Variants in WWC1 observed in about 807,000 individuals in gnomAD.
WWC1 encodes the protein WW and C2 domain containing 1.
In WWC1, 55 loss-of-function variants were observed where a neutral mutation model predicts 138.4. That is an observed-to-expected ratio of 0.40 (90% CI 0.32 to 0.50). The LOEUF is 0.50. Ranked by LOEUF, WWC1 falls within the 20% of genes least tolerant of loss-of-function variation. The pLI is 0.72. For synonymous variants in WWC1, 524 were observed against 564.9 expected, an observed-to-expected ratio of 0.93 and a Z score of 1.03; for missense variants, 1,226 against 1,420.4, an observed-to-expected ratio of 0.86 and a Z score of 2.20.
At chr5:168,326,279 G>A (rs947988743) in intron 1 of WWC1, among the ~76,000 whole-genome samples, 5 of 143,798 alleles carry the variant, frequency 3.5e-5, no homozygotes, top group South Asian at 2.2e-4. Context: ...GTGCAATAGC[G>A]TGATCTCGGC....
At chr5:168,358,429 C>CA (rs1391478866) in intron 1 of WWC1, among the ~76,000 whole-genome samples, 2 of 152,156 alleles carry the variant, frequency 1.3e-5, no homozygotes, top group African/African-American at 2.4e-5. Flanking sequence ...CATGGAAACT[C>CA]AGTGCTGAAA....
At chr5:168,410,387 C>T (rs918813636) in intron 8 of WWC1, among the ~76,000 whole-genome samples, 1 of 152,240 alleles carries the variant, frequency 6.6e-6, no homozygotes, top group African/African-American at 2.4e-5. Flanking sequence ...TTCAGTGTCT[C>T]CTGCACAGCT....
rs1352296611 is a variant in WWC1, at chr5:168,332,142, T to C, written c.120-39282T>C. Among the ~76,000 whole-genome samples, 10 of 142,506 alleles carry C rather than the reference T, an allele frequency of 7.0e-5. 1 individual carries two copies. Among genetic ancestry groups the C allele is most frequent in the Admixed American group, 6.9e-4 (10 of 14,460 alleles). 93.5% of individuals were successfully genotyped at this position (142,506 alleles called of 152,430 possible). A position where few individuals can be genotyped will look rare whatever the true frequency, so the allele number is the denominator to read the frequency against. ...GCCCAGGTGACAGAGTGAGATTCTG[T>C]CTCAAAAAAAAAAAAAAGATAAAAA... is the stretch of plus-strand genomic sequence containing the variant. On this transcript the variant is annotated intron_variant, in intron 1 of 22. Coordinates refer to ENST00000265293, the MANE Select transcript of WWC1 (RefSeq NM_015238.3).
chr5:168,347,166 T>G (rs1053453300), intron 1 of WWC1, among the ~76,000 whole-genome samples: 1 of 152,190 alleles, frequency 6.6e-6, no homozygotes, highest in African/African-American at 2.4e-5. Flanking sequence ...ACAAGGGTCC[T>G]CCTCAGAGGC....
At position 168,471,091 on chromosome 5, in the gene WWC1, A is replaced by G. The variant is rs968320278; in HGVS notation, c.*2074A>G. ...CATGGCCTTCTCCAGGCTACTGGGA[A>G]CCCATGGGCGGTGATGGAGGGAGTG... On this transcript the variant is annotated 3_prime_UTR_variant, in exon 23 of 23. Transcript: ENST00000265293. The G allele has an allele frequency of 1.3e-5, 2 of 152,342 alleles. No homozygotes were observed. Among genetic ancestry groups the G allele is most frequent in the African/African-American group, 4.8e-5 (2 of 41,428 alleles). The allele number at this position is 152,342 out of a possible 1,614,324, so 9.4% of individuals were successfully genotyped here.
intron 3 of WWC1, among the ~76,000 whole-genome samples, chr5:168,395,877 C>G (rs1055577352): frequency 6.6e-6 from 1 of 152,226 alleles, no homozygotes; most frequent in African/African-American, 2.4e-5. Flanking sequence ...TCTCATCCCC[C>G]AAACTTCCAA....
intron 2 of WWC1, 35 bp downstream of exon 2, chr5:168,371,568 T>C: frequency 6.6e-7 from 1 of 1,506,804 alleles, no homozygotes; most frequent in Non-Finnish European, 9.2e-7. Flanking sequence ...CCCTGTGCCC[T>C]CTTCATCCCT....
intron 15 of WWC1, among the ~76,000 whole-genome samples, chr5:168,438,975 G>A (rs951303052): frequency 2.6e-5 from 4 of 152,004 alleles, no homozygotes; most frequent in African/African-American, 9.7e-5. Context: ...CCCCACCCCA[G>A]CCTCACCATC....
At chr5:168,408,692 G>A in intron 7 of WWC1, 39 bp downstream of exon 7, 2 of 1,610,050 alleles carry the variant, frequency 1.2e-6, no homozygotes, top group Non-Finnish European at 1.7e-6. Context: ...CCTTCCACAG[G>A]ATGGCAGCTG....
At chr5:168,380,000 A>C (rs1323472650) in intron 2 of WWC1, among the ~76,000 whole-genome samples, 1 of 152,242 alleles carries the variant, frequency 6.6e-6, no homozygotes, top group African/African-American at 2.4e-5. Context: ...AGAAAAATTA[A>C]TAAATTTGGT....
chr5:168,381,382 T>C (rs892267792), intron 2 of WWC1, among the ~76,000 whole-genome samples: 4 of 152,134 alleles, frequency 2.6e-5, no homozygotes, highest in Non-Finnish European at 4.4e-5. Flanking sequence ...GGCCCAGCAT[T>C]TCAACCAGCA....
At chr5:168,460,328 C>A (rs541908273) in intron 19 of WWC1, among the ~76,000 whole-genome samples, 21 of 152,314 alleles carry the variant, frequency 1.4e-4, no homozygotes, top group Admixed American at 1.3e-4. Context: ...AGTTCTGCAA[C>A]CCCTAAGCTT....
At chr5:168,402,271 G>A (rs1000034667) in intron 5 of WWC1, among the ~76,000 whole-genome samples, 6 of 152,204 alleles carry the variant, frequency 3.9e-5, no homozygotes, top group Non-Finnish European at 8.8e-5. Context: ...AGGAAGATGC[G>A]TCCTTTAATG....
chr5:168,411,242 C>G (rs1460235985), intron 8 of WWC1, among the ~76,000 whole-genome samples: 6 of 152,080 alleles, frequency 3.9e-5, no homozygotes, highest in Admixed American at 3.3e-4. Flanking sequence ...CATGATCTTT[C>G]TGTACTCTGA....
Position 168,294,154 on chromosome 5 carries a change from G to T in WWC1, c.119+1883G>T, listed in dbSNP as rs545692121. 5.3e-5 allele frequency among the ~76,000 whole-genome samples: 8 copies of T among 152,220 alleles called. No individual in the cohort carries two copies. In the East Asian group the frequency reaches 1.4e-3, roughly 26 times the overall value. On this transcript the variant is annotated intron_variant, in intron 1 of 22. Coordinates refer to ENST00000265293, the MANE Select transcript of WWC1 (RefSeq NM_015238.3). ...GGGACTTCTAATACAGCAATAGGAG[G>T]CCCCTCTCAACAGTAATTCTTTACC...
chr5:168,354,448 C>T (rs1002263841), intron 1 of WWC1, among the ~76,000 whole-genome samples: 18 of 152,126 alleles, frequency 1.2e-4, no homozygotes, highest in Non-Finnish European at 7.3e-5. Flanking sequence ...GCTGTATTTT[C>T]ATTAAGGAAA....
chr5:168,384,736 C>CTCATTATTG (rs1561687558), intron 2 of WWC1, among the ~76,000 whole-genome samples: 1 of 117,444 alleles, frequency 8.5e-6, no homozygotes. Context: ...TTTTTTTTTT[C>CTCATTATTG]AGACAGAGTC....
chr5:168,425,129 A>G (rs924327394), intron 11 of WWC1, among the ~76,000 whole-genome samples: 4 of 152,200 alleles, frequency 2.6e-5, no homozygotes, highest in African/African-American at 9.6e-5. Context: ...CACTTGCCTT[A>G]GGTCACCCAG....
Position 168,424,018 on chromosome 5 carries a change from A to G in WWC1, c.1760A>G (p.Glu587Gly), listed in dbSNP as rs374015526. 5.3e-5 allele frequency: 86 copies of G among 1,613,240 alleles called. No homozygotes were observed. Among genetic ancestry groups the G allele is most frequent in the Non-Finnish European group, 6.2e-5 (73 of 1,179,590 alleles). ...CTGAGCCTTGGTAACAGCGCCCAGG[A>G]AAGATACCGGCTGGAGGAACCAGGA... ...CELSLGNSAQ[E>G]RYRLEEPGTE... Residue 587 changes from glutamate to glycine, a missense_variant, in exon 11 of 23, where the codon GAA becomes GGA. By Grantham distance (98) the Glu-to-Gly change is moderately conservative. Transcript: ENST00000265293.
Sources: allele counts gnomAD v4.1 joint callset (sites outside exome capture counted in the v4.1 genomes callset), GRCh38; gene constraint gnomAD v4.1.1; transcripts MANE v1.5; gene names NCBI Gene and HGNC (gene_info 2026-07-23, HGNC 2026-07-21).